ARHGEF10: variants seen among roughly 807,000 people sequenced by gnomAD.
ARHGEF10 encodes Rho guanine nucleotide exchange factor (GEF) 10.
In ARHGEF10, 140 loss-of-function variants were observed where a neutral mutation model predicts 147.4. The ratio of observed to expected loss-of-function variants is 0.95; its 90% CI spans 0.83 to 1.09. The LOEUF (loss-of-function observed/expected upper bound fraction) is 1.09. ARHGEF10 is among the 50% of genes least tolerant of loss of function. ARHGEF10 has a pLI of 0.00. For missense variants in ARHGEF10, 2,222 were observed against 1,752.7 expected (o/e 1.27, Z -4.78); for synonymous variants, 902 against 695.8 (o/e 1.30, Z -4.67).
Position 1,957,005 on chromosome 8 carries a change from A to G in ARHGEF10, c.3777A>G (p.Ser1259=), listed in dbSNP as rs754388229. The G allele has an allele frequency of 1.9e-6, 3 of 1,614,088 alleles. No homozygotes were observed. The highest frequency in any genetic ancestry group is 2.7e-5 in the African/African-American group (2 of 75,058). ...SMTQKSDLSS[S]SGSLSLSHGS... ...CTCAGAAAAGCGACCTGTCCTCCTC[A>G]TCTGGGTCCCTGAGCTTGTCTCACG... The change falls in exon 29 of 29, where the codon TCA becomes TCG. Residue 1259 remains serine, a synonymous_variant. Transcript: ENST00000349830.
At chr8:1,883,132 C>T (rs1018459942) in intron 10 of ARHGEF10, among the ~76,000 whole-genome samples, 3 of 152,138 alleles carry the variant, frequency 2.0e-5, no homozygotes, top group African/African-American at 4.8e-5. Flanking sequence ...ACTGGCATTT[C>T]AGGAATCTTT....
At chr8:1,846,808 C>T (rs867901292) in intron 2 of ARHGEF10, among the ~76,000 whole-genome samples, 1 of 152,188 alleles carries the variant, frequency 6.6e-6, no homozygotes, top group South Asian at 2.1e-4. Context: ...AACTCCTGAC[C>T]TCAAGTGATC....
At chr8:1,868,223 GAA>G (rs1456583146) in intron 6 of ARHGEF10, among the ~76,000 whole-genome samples, 2 of 152,176 alleles carry the variant, frequency 1.3e-5, no homozygotes, top group Non-Finnish European at 2.9e-5. Context: ...GAATTTTCCT[GAA>G]TTTTTATTTC....
chr8:1,952,760 C>T lies in ARHGEF10; in HGVS notation c.3453C>T (p.Val1151=), dbSNP rs766559600. 2.6e-5 allele frequency: 42 copies of T among 1,613,300 alleles called. No homozygotes were observed. Among genetic ancestry groups the T allele is most frequent in the African/African-American group, 4.0e-5 (3 of 74,932 alleles). ...SLLVCHGLLM[V]GTSLGVLVAL... ...TCGTCTGCCACGGATTGCTGATGGT[C>T]GGCACCAGCCTGGGAGTCCTCGTGG... The change falls in exon 28 of 29, where the codon GTC becomes GTT. Residue 1151 remains valine (V), a synonymous_variant. Coordinates refer to ENST00000349830, the MANE Select transcript of ARHGEF10 (RefSeq NM_014629.4).
At chr8:1,881,446 A>C (rs921471342) in intron 9 of ARHGEF10, among the ~76,000 whole-genome samples, 16 of 152,192 alleles carry the variant, frequency 1.1e-4, no homozygotes, top group African/African-American at 3.6e-4. Flanking sequence ...GGAAACGCGC[A>C]GGCGGGCAGG....
intron 4 of ARHGEF10, among the ~76,000 whole-genome samples, chr8:1,862,766 TTTC>T (rs1295700178): frequency 5.3e-5 from 7 of 131,002 alleles, no homozygotes; most frequent in African/African-American, 8.6e-5. Context: ...TTTTCCTTTT[TTTC>T]TTCTTCTTTT....
At chr8:1,928,394 G>A (rs369649127) in intron 23 of ARHGEF10, 33 bp from the exon 24 acceptor site, 63 of 1,603,924 alleles carry the variant, frequency 3.9e-5, no homozygotes, top group South Asian at 1.8e-4. Flanking sequence ...CCACATGGTC[G>A]TTTTCTTCTT....
intron 28 of ARHGEF10, among the ~76,000 whole-genome samples, chr8:1,954,162 C>T (rs140692254): frequency 1.1e-4 from 17 of 152,146 alleles, no homozygotes; most frequent in African/African-American, 3.4e-4. Context: ...GGCACAGTCT[C>T]GGCTCACTGC....
At chr8:1,850,511 G>T (rs891519194) in intron 2 of ARHGEF10, among the ~76,000 whole-genome samples, 1 of 151,082 alleles carries the variant, frequency 6.6e-6, no homozygotes, top group African/African-American at 2.4e-5. Flanking sequence ...CACCCGCGTG[G>T]ACACAGATGG....
chr8:1,850,275 G>C (rs1451834375), intron 2 of ARHGEF10, among the ~76,000 whole-genome samples: 1 of 138,360 alleles, frequency 7.2e-6, no homozygotes, highest in Non-Finnish European at 1.6e-5. Flanking sequence ...GCTGAGGAGG[G>C]TGTGGGGCGG....
At chr8:1,918,375 C>G (rs999787093) in intron 18 of ARHGEF10, among the ~76,000 whole-genome samples, 4 of 151,958 alleles carry the variant, frequency 2.6e-5, no homozygotes, top group South Asian at 4.1e-4. Context: ...GGTCGAGGAA[C>G]TCCTCCTCAT....
intron 2 of ARHGEF10, 58 bp from the exon 3 acceptor site, chr8:1,857,900 ATC>A: frequency 8.2e-7 from 1 of 1,220,858 alleles, no homozygotes; most frequent in Non-Finnish European, 1.2e-6. Context: ...CTATCTATCT[ATC>A]TATCTATCTA....
intron 22 of ARHGEF10, among the ~76,000 whole-genome samples, chr8:1,926,011 T>G (rs1812663161): frequency 6.6e-6 from 1 of 152,182 alleles, no homozygotes. Context: ...ACAGGACTCC[T>G]CTGGGAGAGG....
At chr8:1,826,110 G>C in intron 1 of ARHGEF10, 1 of 1,594,638 alleles carries the variant, frequency 6.3e-7, no homozygotes, top group Non-Finnish European at 8.5e-7. Context: ...TTTATAGACA[G>C]ATGAGACCTC....
chr8:1,938,206 A>C (rs1813780119), intron 26 of ARHGEF10, among the ~76,000 whole-genome samples: 1 of 152,158 alleles, frequency 6.6e-6, no homozygotes, highest in Non-Finnish European at 1.5e-5. Flanking sequence ...GGGTTTGTCC[A>C]ATTGCTGTTT....
chr8:1,836,624 G>A (rs189754075), intron 1 of ARHGEF10, among the ~76,000 whole-genome samples: 5 of 152,150 alleles, frequency 3.3e-5, no homozygotes, highest in African/African-American at 9.7e-5. Flanking sequence ...CAGGCTGTGG[G>A]GGGGAGAAGC....
rs966874362 is a variant in ARHGEF10, at chr8:1,825,942, C to G, written c.-48+1829C>G. ...GCTGATTAATAATATGTTTTGAACA[C>G]CTGCTTTATAGAAAATAATTTTTAT... On this transcript the variant is annotated intron_variant, in intron 1 of 28. Transcript: ENST00000349830. The G allele has an allele frequency of 1.4e-5, 9 of 638,512 alleles. No individual in the cohort carries two copies. In the East Asian group the frequency reaches 1.6e-4, roughly 12 times the overall value. 39.6% of individuals were successfully genotyped at this position (638,512 alleles called of 1,614,324 possible). A position where few individuals can be genotyped will look rare whatever the true frequency, so the allele number is the denominator to read the frequency against.
At chr8:1,956,662 G>T in intron 28 of ARHGEF10, 87 bp from the exon 29 acceptor site, 2 of 1,450,832 alleles carry the variant, frequency 1.4e-6, no homozygotes, top group Non-Finnish European at 9.7e-7. Flanking sequence ...GGAGGAATGC[G>T]TTGGGGTTAA....
Position 1,835,583 on chromosome 8 carries a change from G to C in ARHGEF10, c.-47-7770G>C, listed in dbSNP as rs761278844. ...GTCCCGAAGCACTGACTGTGGAATG[G>C]TGCCTGTGGAACGTCCCTGGGTCTT... On this transcript the variant is annotated intron_variant, in intron 1 of 28. Coordinates refer to ENST00000349830, the MANE Select transcript of ARHGEF10 (RefSeq NM_014629.4). Among the ~76,000 whole-genome samples the C allele has an allele frequency of 1.3e-4, 20 of 152,200 alleles. 1 individual carries two copies. Among genetic ancestry groups the C allele is most frequent in the Admixed American group, 9.2e-4 (14 of 15,274 alleles).
Sources: gnomAD v4.1 joint callset for allele counts (sites outside exome capture counted in the v4.1 genomes callset) on GRCh38, gnomAD v4.1.1 for gene constraint, MANE v1.5 for transcripts, NCBI Gene and HGNC (gene_info 2026-07-23, HGNC 2026-07-21) for gene names.